The following ATP13A5 variants were observed in gnomAD, a reference collection of about 807,000 sequenced individuals.
ATP13A5 encodes ATPase 13A5.
ATP13A5 carries 149 observed loss-of-function variants against 150.2 expected under a neutral mutation model. The observed-to-expected ratio is 0.99, with a 90% CI of 0.87 to 1.14. The LOEUF (loss-of-function observed/expected upper bound fraction) is 1.14. ATP13A5 is among the 50% of genes most tolerant of loss of function. The pLI is 0.00. For missense variants in ATP13A5, 1,383 were observed against 1,449.3 expected (o/e 0.95, Z 0.74); for synonymous variants, 497 against 522.2 (o/e 0.95, Z 0.66).
At chr3:193,349,022 A>G (rs1055126751) in intron 7 of ATP13A5, among the ~76,000 whole-genome samples, 26 of 152,162 alleles carry the variant, frequency 1.7e-4, no homozygotes, top group African/African-American at 6.0e-4. Context: ...TTTATTTCAT[A>G]ATTTGCCATG....
At chr3:193,307,547 A>C (rs1042007700) in intron 21 of ATP13A5, 178 bp from the exon 22 acceptor site, 3 of 712,698 alleles carry the variant, frequency 4.2e-6, no homozygotes, top group Middle Eastern at 3.7e-4. Context: ...GGGAAAAGGC[A>C]GTTGCGTTAT....
At chr3:193,362,341 G>C (rs1350015778) in intron 5 of ATP13A5, 40 bp downstream of exon 5, 1 of 1,539,516 alleles carries the variant, frequency 6.5e-7, no homozygotes, top group African/African-American at 1.4e-5. Context: ...TTCATTTTCT[G>C]CTGGCAGAGT....
At chr3:193,321,560 G>T in intron 16 of ATP13A5, 121 bp downstream of exon 16, 1 of 1,058,316 alleles carries the variant, frequency 9.4e-7, no homozygotes, top group Non-Finnish European at 1.4e-6. Flanking sequence ...GAACTTGGGA[G>T]GTGGAGGCTA....
intron 25 of ATP13A5, among the ~76,000 whole-genome samples, chr3:193,290,905 A>G (rs368459326): frequency 6.6e-5 from 10 of 152,250 alleles, no homozygotes; most frequent in African/African-American, 2.4e-4. Flanking sequence ...AAAGACTGAT[A>G]TTGTAGTCAT....
At chr3:193,320,516 C>A (rs1442552593) in intron 16 of ATP13A5, among the ~76,000 whole-genome samples, 1 of 152,112 alleles carries the variant, frequency 6.6e-6, no homozygotes, top group Non-Finnish European at 1.5e-5. Flanking sequence ...GTTTAAATGT[C>A]AAGAAGATGC....
At position 193,327,932 on chromosome 3, in the gene ATP13A5, C is replaced by CAAGTCTCTGACACT. The variant is rs1719526723; in HGVS notation, c.1462-889_1462-876dup. On this transcript the variant is annotated intron_variant, in intron 12 of 29. Transcript: ENST00000342358. Reference sequence around the variant, plus strand: ...AATACCCTGTTTCAACACTAAGATCCAAGTCTCTGACACTACTTTTCAAGC... The same window carrying CAAGTCTCTGACACT: ...AATACCCTGTTTCAACACTAAGATCCAAGTCTCTGACACTAAGTCTCTGACACTACTTTTCAAGC... 2.0e-5 allele frequency among the ~76,000 whole-genome samples: 3 copies of CAAGTCTCTGACACT among 152,200 alleles called. No individual in the cohort carries two copies. The South Asian group carries it at 6.2e-4, about 32-fold the overall frequency.
intron 9 of ATP13A5, among the ~76,000 whole-genome samples, chr3:193,337,861 T>G (rs1306045778): frequency 6.6e-6 from 1 of 152,246 alleles, no homozygotes; most frequent in African/African-American, 2.4e-5. Context: ...TTCCTATCCA[T>G]GAGTGTGGAA....
In ATP13A5 at chr3:193,322,542, T is replaced by C; in HGVS notation, c.1707A>G (p.Lys569=). 1 of 1,613,790 alleles carries C rather than the reference T, an allele frequency of 6.2e-7. No individual in the cohort carries two copies. Among genetic ancestry groups the C allele is most frequent in the Non-Finnish European group, 8.5e-7 (1 of 1,179,778 alleles). Residue 569 remains lysine, a synonymous_variant, in exon 15 of 30, where the codon AAA becomes AAG. Coordinates refer to ENST00000342358, the MANE Select transcript of ATP13A5 (RefSeq NM_198505.4). ...TGATGTTTGAAACTGACGTCCCAAA[T>C]TTGCAGGAGTCTACAATGCAATCTT... ...KMEDCIVDSC[K]FGTSVSNIIK...
In ATP13A5 at chr3:193,290,070, A is replaced by G; in HGVS notation, c.2849-11T>C. The G allele has an allele frequency of 6.3e-7, 1 of 1,588,890 alleles. No individual in the cohort carries two copies. Among genetic ancestry groups the G allele is most frequent in the East Asian group, 2.2e-5 (1 of 44,618 alleles). On this transcript the variant is annotated splice_polypyrimidine_tract_variant and intron_variant, in intron 25 of 29. Transcript: ENST00000342358. Reference sequence around the variant, plus strand: ...CATGAGTTGAACTCACTGAAAGACAAATACATTTTTTTCCTATTACAATCT... The same window carrying G: ...CATGAGTTGAACTCACTGAAAGACAGATACATTTTTTTCCTATTACAATCT...
Position 193,285,685 on chromosome 3 carries a change from T to C in ATP13A5, c.3024-569A>G, listed in dbSNP as rs969988975. Among the ~76,000 whole-genome samples, 10 of 152,296 alleles carry C rather than the reference T, an allele frequency of 6.6e-5. No individual in the cohort carries two copies. The East Asian group carries it at 1.7e-3, about 26-fold the overall frequency. On this transcript the variant is annotated intron_variant, in intron 26 of 29. Coordinates refer to ENST00000342358, the MANE Select transcript of ATP13A5 (RefSeq NM_198505.4). ...CTTTTGCCACTCCTCCCATGCTCTATACACTCCAAACATATAGGATTATTC... is the reference window on the plus strand; with the variant it reads ...CTTTTGCCACTCCTCCCATGCTCTACACACTCCAAACATATAGGATTATTC...
intron 14 of ATP13A5, among the ~76,000 whole-genome samples, chr3:193,324,480 CTG>C (rs1354203354): frequency 1.3e-5 from 2 of 152,160 alleles, no homozygotes; most frequent in African/African-American, 4.8e-5. Context: ...TTGGAAAACA[CTG>C]ATGTTTTGGA....
intron 7 of ATP13A5, among the ~76,000 whole-genome samples, chr3:193,346,574 C>G (rs1364249563): frequency 6.6e-6 from 1 of 152,116 alleles, no homozygotes; most frequent in African/African-American, 2.4e-5. Flanking sequence ...TTCACCTTAA[C>G]CTAATTCAAA....
intron 5 of ATP13A5, among the ~76,000 whole-genome samples, chr3:193,356,468 G>C (rs567785406): frequency 2.9e-4 from 44 of 152,166 alleles, no homozygotes; most frequent in Middle Eastern, 6.8e-3. Context: ...CTATCAAGCT[G>C]GGTGTGTGGC....
chr3:193,301,097 G>T, intron 24 of ATP13A5, 114 bp downstream of exon 24: 1 of 921,264 alleles, frequency 1.1e-6, no homozygotes, highest in Non-Finnish European at 1.7e-6. Context: ...CACCTATTTT[G>T]AGAAATGTCA....
intron 7 of ATP13A5, among the ~76,000 whole-genome samples, chr3:193,350,590 T>A (rs1712526804): frequency 6.6e-6 from 1 of 152,172 alleles, no homozygotes. Context: ...AATGAACACA[T>A]AGACATTATA....
chr3:193,290,037 TG>T lies in ATP13A5; in HGVS notation c.2870del (p.Pro957GlnfsTer23). ...CLTMSSTHAY[P>X]KLAPYRPAGQ... ...CTGCTGGTCTATATGGAGCCAGCTT[TG>T]GGTAGGCATGAGTTGAACTCACTGA... On this transcript the variant is annotated frameshift_variant, in exon 26 of 30. Coordinates refer to ENST00000342358, the MANE Select transcript of ATP13A5 (RefSeq NM_198505.4). LOFTEE classifies it high-confidence loss of function. 6.2e-7 allele frequency: 1 copy of T among 1,608,458 alleles called. No individual in the cohort carries two copies. Among genetic ancestry groups the T allele is most frequent in the East Asian group, 2.2e-5 (1 of 44,816 alleles).
rs757906555 is a variant in ATP13A5 at position 193,276,852 on chromosome 3, T to C, written c.3316-22A>G. On this transcript the variant is annotated intron_variant, in intron 28 of 29. Transcript: ENST00000342358. ...TCAACTGTTGAAAAACAAATACCAT[T>C]ATTATATTTTGCACACTTCACACTT... 3.8e-6 allele frequency: 6 copies of C among 1,566,114 alleles called. No homozygotes were observed. In the South Asian group the frequency reaches 6.8e-5, roughly 18 times the overall value.
Position 193,299,149 on chromosome 3 carries a change from A to G in ATP13A5, c.2830T>C (p.Leu944=), listed in dbSNP as rs1274288360. 2.5e-6 allele frequency: 4 copies of G among 1,608,872 alleles called. 1 individual carries two copies. In the South Asian group the frequency reaches 3.3e-5, roughly 13 times the overall value. The part of the protein sequence containing the change: ...QYLMQDVAIT[L]MVCLTMSSTH... ...AGCTTACTTGTTAAACAGACCATCAAAGTAATGGCTACATCTTGCATGAGA... is the reference window on the plus strand; with the variant it reads ...AGCTTACTTGTTAAACAGACCATCAGAGTAATGGCTACATCTTGCATGAGA... The change falls in exon 25 of 30, where the codon TTG becomes CTG. Residue 944 remains leucine, a synonymous_variant. Coordinates refer to ENST00000342358, the MANE Select transcript of ATP13A5 (RefSeq NM_198505.4).
chr3:193,342,762 C>T (rs928124487), intron 9 of ATP13A5, among the ~76,000 whole-genome samples: 18 of 152,294 alleles, frequency 1.2e-4, no homozygotes, highest in African/African-American at 3.6e-4. Flanking sequence ...CATGTCTGCT[C>T]ACTGCCACAC....
Sources: gnomAD v4.1 joint callset for allele counts (sites outside exome capture counted in the v4.1 genomes callset) on GRCh38, gnomAD v4.1.1 for gene constraint, MANE v1.5 for transcripts, NCBI Gene and HGNC (gene_info 2026-07-23, HGNC 2026-07-21) for gene names.